The following AEN variants were observed in gnomAD, a reference collection of about 807,000 sequenced individuals.
AEN encodes apoptosis enhancing nuclease.
Under a neutral mutation model 17.7 loss-of-function variants are expected in AEN, and 21 were observed. The observed-to-expected ratio is 1.19, with a 90% CI of 0.84 to 1.71. The LOEUF is 1.71. AEN is among the 40% of genes most tolerant of loss of function. The probability of loss-of-function intolerance (pLI) is 0.00; values close to 1 mark genes in which losing one functional copy is unlikely to be tolerated. For missense variants in AEN, 462 were observed against 435.9 expected, an observed-to-expected ratio of 1.06 and a Z score of -0.53; for synonymous variants, 190 against 173.0, an observed-to-expected ratio of 1.10 and a Z score of -0.77.
the AEN span, chr15:88,612,046 C>G: frequency 2.6e-6 from 1 of 377,778 alleles, no homozygotes; most frequent in South Asian, 1.9e-5. Flanking sequence ...CCTAAACACC[C>G]ATCGGCAGAC....
the AEN span, among the ~76,000 whole-genome samples, chr15:88,612,161 G>T: frequency 6.6e-6 from 1 of 152,114 alleles, no homozygotes; most frequent in African/African-American, 2.4e-5. Flanking sequence ...TGAAGGGCAG[G>T]GGGAGAAAAA....
chr15:88,619,846 A>G (rs1055845617), upstream of AEN, among the ~76,000 whole-genome samples: 3 of 152,052 alleles, frequency 2.0e-5, no homozygotes, highest in African/African-American at 4.8e-5. Flanking sequence ...TTCAAATGCT[A>G]CTTAGGTGGG....
In AEN at chr15:88,626,651, A is replaced by G; in HGVS notation, c.442A>G (p.Arg148Gly). The G allele has an allele frequency of 2.5e-6, 4 of 1,613,980 alleles. No homozygotes were observed. The highest frequency in any genetic ancestry group is 3.4e-6 in the Non-Finnish European group (4 of 1,180,016). Residue 148 changes from arginine (R) to glycine (G), a missense_variant, in exon 2 of 4, where the codon AGG becomes GGG. By Grantham distance (125) the Arg-to-Gly change is moderately radical. Transcript: ENST00000332810. ...CAATGTCCTCTATGACAAGTACATC[A>G]GGCCTGAGATGCCCATCGCTGACTA... ...HGNVLYDKYI[R>G]PEMPIADYRT...
rs141632692 is a variant in AEN, at chr15:88,626,005, C to T, written c.-64-141C>T. Reference sequence around the variant, plus strand: ...TGCTTTTATTAGTGAAATGGGTCCTCAACTCAATCTGGGAGCCACGAGCTA... The same window carrying T: ...TGCTTTTATTAGTGAAATGGGTCCTTAACTCAATCTGGGAGCCACGAGCTA... On this transcript the variant is annotated intron_variant, in intron 1 of 3. Coordinates refer to ENST00000332810, the MANE Select transcript of AEN (RefSeq NM_022767.4). 1.4e-3 allele frequency: 778 copies of T among 556,648 alleles called. 5 individuals carry two copies. Among genetic ancestry groups the T allele is most frequent in the African/African-American group, 0.014 (703 of 51,550 alleles). The allele number at this position is 556,648 out of a possible 1,614,324, so 34.5% of individuals were successfully genotyped here.
chr15:88,610,156 G>C, the AEN span, among the ~76,000 whole-genome samples: 1 of 152,048 alleles, frequency 6.6e-6, no homozygotes, highest in Non-Finnish European at 1.5e-5. Flanking sequence ...GTTTTTCCTA[G>C]AAATACCTAG....
the AEN span, among the ~76,000 whole-genome samples, chr15:88,609,041 G>A: frequency 2.8e-4 from 42 of 152,264 alleles, no homozygotes; most frequent in South Asian, 1.0e-3. Context: ...ATAACAGCCC[G>A]GAAGAAGTCT....
Position 88,629,341 on chromosome 15 carries a change from A to G in AEN, c.656A>G (p.Asn219Ser). The change falls in exon 3 of 4, where the codon AAC (asparagine) becomes AGC (serine). Residue 219 changes from asparagine (N) to serine (S), a missense_variant. Physicochemically the swap from Asn to Ser is conservative, Grantham distance 46 (BLOSUM62 1). Coordinates refer to ENST00000332810, the MANE Select transcript of AEN (RefSeq NM_022767.4). ...ACCCGGGATACGACCTATGTCCCAA[A>G]CTTCCTCAGCGAGCCCGGCCTCCAC... ...SQTRDTTYVP[N>S]FLSEPGLHTR... 1 of 1,614,048 alleles carries G rather than the reference A, an allele frequency of 6.2e-7. No homozygotes were observed. The highest frequency in any genetic ancestry group is 8.5e-7 in the Non-Finnish European group (1 of 1,179,980).
At chr15:88,614,465 T>G in the AEN span, among the ~76,000 whole-genome samples, 2 of 152,204 alleles carry the variant, frequency 1.3e-5, no homozygotes, top group Non-Finnish European at 2.9e-5. Context: ...CTTCCCCAAA[T>G]GCTGAAATTA....
At chr15:88,607,113 C>A in the AEN span, among the ~76,000 whole-genome samples, 1 of 152,198 alleles carries the variant, frequency 6.6e-6, no homozygotes, top group Non-Finnish European at 1.5e-5. Context: ...GGGCTGAATT[C>A]TGGATTACCC....
At position 88,629,228 on chromosome 15, in the gene AEN, C is replaced by A. The variant is rs144044010; in HGVS notation, c.543C>A (p.Ile181=). The A allele has an allele frequency of 3.1e-6, 5 of 1,613,906 alleles. No individual in the cohort carries two copies. In the African/African-American group the frequency reaches 6.7e-5, roughly 22 times the overall value. Residue 181 remains isoleucine (I), a splice_region_variant and synonymous_variant, in exon 3 of 4, where the codon ATC becomes ATA. Coordinates refer to ENST00000332810, the MANE Select transcript of AEN (RefSeq NM_022767.4). Reference sequence around the variant, plus strand: ...CTGACTCCTCTTTCTGCTCACAGATCCTTAAGCTCCTGAAGGGCAAGGTGG... The same window carrying A: ...CTGACTCCTCTTTCTGCTCACAGATACTTAAGCTCCTGAAGGGCAAGGTGG... ...AVPFQVAQKE[I]LKLLKGKVVV...
At chr15:88,608,033 A>T in the AEN span, 3 of 475,136 alleles carry the variant, frequency 6.3e-6, no homozygotes, top group Admixed American at 4.3e-5. Flanking sequence ...GTTTTTTTTA[A>T]TTATTATTCA....
chr15:88,629,440 G>A lies in AEN; in HGVS notation c.741+14G>A, dbSNP rs1052036496. On this transcript the variant is annotated intron_variant, in intron 3 of 3. Transcript: ENST00000332810. ...AAGAAGATCCAGGTGCGTGGTGGGAGAGTGGCTGGAAGGGAGGGAGGCCCG... is the reference window on the plus strand; with the variant it reads ...AAGAAGATCCAGGTGCGTGGTGGGAAAGTGGCTGGAAGGGAGGGAGGCCCG... 14 of 1,610,922 alleles carry A rather than the reference G, an allele frequency of 8.7e-6. No individual in the cohort carries two copies. Among genetic ancestry groups the A allele is most frequent in the Non-Finnish European group, 1.2e-5 (14 of 1,177,784 alleles).
At position 88,622,058 on chromosome 15, in the gene AEN, A is replaced by AG. The variant is rs373380512; in HGVS notation, c.-65+678dup. On this transcript the variant is annotated intron_variant, in intron 1 of 3. Transcript: ENST00000332810. Reference sequence around the variant, plus strand: ...AGATCATCTAGCTACTTAGTGCCAGAGGAGGGTCTAGAACTGCCCTCTGCC... The same window carrying AG: ...AGATCATCTAGCTACTTAGTGCCAGAGGGAGGGTCTAGAACTGCCCTCTGCC... 2.3e-3 allele frequency among the ~76,000 whole-genome samples: 345 copies of AG among 152,258 alleles called. 2 individuals carry two copies. Among genetic ancestry groups the AG allele is most frequent in the African/African-American group, 7.9e-3 (327 of 41,542 alleles).
At position 88,630,226 on chromosome 15, in the gene AEN, T is replaced by C; in HGVS notation, c.910T>C (p.Tyr304His). ...CATGGAACAGTACATGGAGGACCAGTACTGGCCCGATGACCTGGCCCACGG... is the reference window on the plus strand; with the variant it reads ...CATGGAACAGTACATGGAGGACCAGCACTGGCCCGATGACCTGGCCCACGG... ...TDMEQYMEDQYWPDDLAHGSR... is the reference protein window; with the variant it reads ...TDMEQYMEDQHWPDDLAHGSR... The change falls in exon 4 of 4, where the codon TAC becomes CAC. Residue 304 changes from tyrosine (Y) to histidine (H), a missense_variant. By Grantham distance (83) the Tyr-to-His change is moderately conservative. Coordinates refer to ENST00000332810, the MANE Select transcript of AEN (RefSeq NM_022767.4). This position sits in a 1 kb window ranked among gnomAD's most constrained non-coding sequence, Gnocchi z 5.1. 6.2e-7 allele frequency: 1 copy of C among 1,606,404 alleles called. No homozygotes were observed. The highest frequency in any genetic ancestry group is 8.5e-7 in the Non-Finnish European group (1 of 1,176,770).
At chr15:88,620,019 C>G (rs1443482693), upstream of AEN, among the ~76,000 whole-genome samples, 1 of 152,162 alleles carries the variant, frequency 6.6e-6, no homozygotes, top group Non-Finnish European at 1.5e-5. Context: ...TGGCTTAAAT[C>G]CCTCTGCCTC....
At chr15:88,608,267 A>C in the AEN span, 3 of 429,218 alleles carry the variant, frequency 7.0e-6, no homozygotes, top group Non-Finnish European at 1.5e-5. Flanking sequence ...CAGAACTCAG[A>C]GTCCTGGACT....
At chr15:88,612,519 C>G in the AEN span, among the ~76,000 whole-genome samples, 1 of 152,180 alleles carries the variant, frequency 6.6e-6, no homozygotes, top group African/African-American at 2.4e-5. Context: ...CCATCCCCCA[C>G]TGTGGCAGGA....
the AEN span, among the ~76,000 whole-genome samples, chr15:88,606,985 C>A: frequency 1.3e-5 from 2 of 152,078 alleles, no homozygotes; most frequent in Non-Finnish European, 2.9e-5. Flanking sequence ...ATTGCTTTTC[C>A]TGGATGTACA....
the AEN span, among the ~76,000 whole-genome samples, chr15:88,611,568 C>T: frequency 1.3e-5 from 2 of 152,094 alleles, no homozygotes; most frequent in African/African-American, 4.8e-5. Flanking sequence ...TGCACTACAG[C>T]CTGGGTGACA....
Sources: allele counts gnomAD v4.1 joint callset (sites outside exome capture counted in the v4.1 genomes callset), GRCh38; gene constraint gnomAD v4.1.1; non-coding constraint Gnocchi (gnomAD v3.1); transcripts MANE v1.5; gene names NCBI Gene and HGNC (gene_info 2026-07-23, HGNC 2026-07-21).